The following CTNNAL1 variants were observed in gnomAD, a reference collection of about 807,000 sequenced individuals.
CTNNAL1 encodes the protein alpha-catulin.
CTNNAL1 carries 69 observed loss-of-function variants against 93.6 expected under a neutral mutation model. The observed-to-expected ratio is 0.74, with a 90% CI of 0.61 to 0.90. CTNNAL1 has a LOEUF of 0.90. Ranked by LOEUF, CTNNAL1 falls within the 40% of genes least tolerant of loss-of-function variation. The pLI is 0.00. For synonymous variants in CTNNAL1, 286 were observed against 305.4 expected (o/e 0.94, Z 0.66); for missense variants, 836 against 862.0 (o/e 0.97, Z 0.38).
Position 108,992,713 on chromosome 9 carries a change from T to G in CTNNAL1, c.438A>C (p.Arg146Ser). The G allele has an allele frequency of 6.2e-7, 1 of 1,614,060 alleles. No individual in the cohort carries two copies. Among genetic ancestry groups the G allele is most frequent in the Non-Finnish European group, 8.5e-7 (1 of 1,179,962 alleles). ...CTTTTGTCACTGAAGAAAGAAGTAA[T>G]CTTGCAGCCTTTATCACTCCTGTTT... ...TDKTGVIKAA[R>S]LLLSSVTKVL... Residue 146 changes from arginine to serine, a missense_variant, in exon 3 of 19, where the codon AGA (arginine) becomes AGC (serine). Coordinates refer to ENST00000325551, the MANE Select transcript of CTNNAL1 (RefSeq NM_003798.4).
chr9:108,944,435 A>G (rs1830337369), intron 15 of CTNNAL1, among the ~76,000 whole-genome samples: 1 of 152,246 alleles, frequency 6.6e-6, no homozygotes, highest in African/African-American at 2.4e-5. Flanking sequence ...AGGCAAGACA[A>G]AATTTGTCAC....
At chr9:109,001,006 CAAA>C (rs72260036) in intron 1 of CTNNAL1, among the ~76,000 whole-genome samples, 45 of 127,018 alleles carry the variant, frequency 3.5e-4, no homozygotes, top group East Asian at 4.3e-4. Context: ...ACTAAAAATA[CAAA>C]AAAAAAAAAA....
chr9:109,006,136 G>A (rs753316852), intron 1 of CTNNAL1, among the ~76,000 whole-genome samples: 51 of 152,156 alleles, frequency 3.4e-4, no homozygotes, highest in Non-Finnish European at 6.9e-4. Flanking sequence ...ACTAACCTCT[G>A]AGAATTCTGG....
intron 4 of CTNNAL1, among the ~76,000 whole-genome samples, chr9:108,989,654 C>A (rs1831725622): frequency 6.6e-6 from 1 of 152,162 alleles, no homozygotes; most frequent in African/African-American, 2.4e-5. Context: ...CAGACTCCTA[C>A]ACAAATACCC....
At chr9:108,956,736 G>A (rs1437941055) in intron 11 of CTNNAL1, among the ~76,000 whole-genome samples, 1 of 152,116 alleles carries the variant, frequency 6.6e-6, no homozygotes, top group Non-Finnish European at 1.5e-5. Context: ...AAACCTGTTT[G>A]TCTCAGAATG....
chr9:108,963,208 G>C (rs1175424054), intron 11 of CTNNAL1, among the ~76,000 whole-genome samples: 1 of 152,128 alleles, frequency 6.6e-6, no homozygotes, highest in Non-Finnish European at 1.5e-5. Flanking sequence ...TTGAGAGGGG[G>C]GAAAAGCCTG....
intron 1 of CTNNAL1, among the ~76,000 whole-genome samples, chr9:109,005,753 A>G (rs985677295): frequency 6.6e-6 from 1 of 152,240 alleles, no homozygotes. Flanking sequence ...TTTCATTTAC[A>G]TAAAGTTTTA....
chr9:108,981,861 G>T (rs1037326863), intron 6 of CTNNAL1, among the ~76,000 whole-genome samples: 2 of 152,188 alleles, frequency 1.3e-5, no homozygotes, highest in African/African-American at 2.4e-5. Flanking sequence ...GGAGGTGGAG[G>T]TTGCAGTGAG....
intron 1 of CTNNAL1, among the ~76,000 whole-genome samples, chr9:109,003,085 A>G (rs369451165): frequency 5.9e-5 from 9 of 152,350 alleles, no homozygotes; most frequent in African/African-American, 2.2e-4. Context: ...TCAAGAAAGC[A>G]TCTAAAGATG....
rs1831353377 is a variant in CTNNAL1, at chr9:108,979,289, T to C, written c.1093A>G (p.Ile365Val). 6.2e-7 allele frequency: 1 copy of C among 1,614,128 alleles called. No homozygotes were observed. Among genetic ancestry groups the C allele is most frequent in the Non-Finnish European group, 8.5e-7 (1 of 1,180,000 alleles). The change falls in exon 7 of 19, where the codon ATT becomes GTT. Residue 365 changes from isoleucine to valine, a missense_variant. Physicochemically the swap from Ile to Val is conservative, Grantham distance 29. Transcript: ENST00000325551. ...TTAAAAAAAGTTCTTACAGCTTGAA[T>C]CCACACAGAAATTAACTGCTGCAGT... The part of the protein sequence containing the change: ...MELQQLISVW[I>V]QAQSKKTKSI...
chr9:109,012,689 C>T (rs978185236), intron 1 of CTNNAL1, among the ~76,000 whole-genome samples: 1 of 152,192 alleles, frequency 6.6e-6, no homozygotes. Flanking sequence ...CGAGGCCGGA[C>T]AGAAGCGGGC....
Position 109,001,078 on chromosome 9 carries a change from A to G in CTNNAL1, c.142-1822T>C, listed in dbSNP as rs972314122. ...TCCCAGCTACTTGGGAGGCTGAGGC[A>G]GGAGAATTGCTTGAACCCAGGAGGT... On this transcript the variant is annotated intron_variant, in intron 1 of 18. Transcript: ENST00000325551. 4.0e-5 allele frequency among the ~76,000 whole-genome samples: 6 copies of G among 148,842 alleles called. 1 individual carries two copies. The Admixed American group carries it at 4.1e-4, about 10-fold the overall frequency.
intron 15 of CTNNAL1, among the ~76,000 whole-genome samples, chr9:108,945,463 CTT>C (rs578073650): frequency 3.0e-4 from 41 of 135,380 alleles, no homozygotes; most frequent in Non-Finnish European, 4.0e-4. Flanking sequence ...GGTTTTCTTC[CTT>C]TTTTTTTTTT....
At chr9:109,013,171 C>T in intron 1 of CTNNAL1, 131 bp downstream of exon 1, 1 of 1,178,268 alleles carries the variant, frequency 8.5e-7, no homozygotes, top group Non-Finnish European at 1.1e-6. Flanking sequence ...ACAGGCGGTC[C>T]GACAAGAACG....
In CTNNAL1 at chr9:108,987,132, G is replaced by A. The variant is rs1008859483; in HGVS notation, c.640-2696C>T. ...CCTATGTCCTGAACGGTAATGCCTAGGTTTTCTTCTAGGGTTTTTATGGTT... is the reference window on the plus strand; with the variant it reads ...CCTATGTCCTGAACGGTAATGCCTAAGTTTTCTTCTAGGGTTTTTATGGTT... On this transcript the variant is annotated intron_variant, in intron 4 of 18. Transcript: ENST00000325551. 2.6e-5 allele frequency among the ~76,000 whole-genome samples: 4 copies of A among 152,148 alleles called. No homozygotes were observed. The East Asian group carries it at 5.8e-4, about 22-fold the overall frequency.
At chr9:108,997,915 T>C (rs1341954002) in intron 2 of CTNNAL1, among the ~76,000 whole-genome samples, 1 of 152,216 alleles carries the variant, frequency 6.6e-6, no homozygotes, top group Non-Finnish European at 1.5e-5. Context: ...CCCTAAAATG[T>C]ATTTTCTATA....
intron 8 of CTNNAL1, 35 bp from the exon 9 acceptor site, chr9:108,972,868 G>GGGGCCCCACGGGT: frequency 1.8e-6 from 2 of 1,092,790 alleles, no homozygotes; most frequent in Non-Finnish European, 2.5e-6. Context: ...GGGTGGGAGG[G>GGGGCCCCACGGGT]TGGAGAAGGA....
chr9:108,979,257 T>C (rs772124857), intron 7 of CTNNAL1, 24 bp downstream of exon 7: 2 of 1,613,558 alleles, frequency 1.2e-6, no homozygotes, highest in Non-Finnish European at 1.7e-6. Flanking sequence ...TAAGATTTAC[T>C]TTGATTTTAA....
chr9:108,949,592 C>T (rs1485383423), intron 14 of CTNNAL1, among the ~76,000 whole-genome samples: 1 of 152,154 alleles, frequency 6.6e-6, no homozygotes, highest in Non-Finnish European at 1.5e-5. Flanking sequence ...GCCTGTAATC[C>T]CAGCACTTTG....
Sources: gnomAD v4.1 joint callset for allele counts (sites outside exome capture counted in the v4.1 genomes callset) on GRCh38, gnomAD v4.1.1 for gene constraint, MANE v1.5 for transcripts, NCBI Gene and HGNC (gene_info 2026-07-23, HGNC 2026-07-21) for gene names.